The following SFPQ variants were observed in gnomAD, a reference collection of about 807,000 sequenced individuals.
The protein encoded by SFPQ is splicing factor proline and glutamine rich, also known as splicing factor, proline- and glutamine-rich.
Under a neutral mutation model 72.9 loss-of-function variants are expected in SFPQ, and 11 were observed. The ratio of observed to expected loss-of-function variants is 0.15; its 90% CI spans 0.09 to 0.25. The LOEUF is 0.25. SFPQ is among the 10% of genes least tolerant of loss of function. The pLI is 1.00. For synonymous variants in SFPQ, 506 were observed against 367.3 expected (o/e 1.38, Z -4.32); for missense variants, 847 against 993.3 (o/e 0.85, Z 1.98).
chr1:35,191,185 G>A (rs1639978457), intron 2 of SFPQ, among the ~76,000 whole-genome samples, 156 bp downstream of exon 2: 1 of 151,760 alleles, frequency 6.6e-6, no homozygotes, highest in African/African-American at 2.4e-5. Flanking sequence ...CAACAATTAT[G>A]CATTATACCG....
downstream of SFPQ, chr1:35,180,316 G>T: frequency 9.6e-7 from 1 of 1,040,330 alleles, no homozygotes; most frequent in Non-Finnish European, 1.2e-6. Context: ...TTGTGCTTTT[G>T]AAGACTTAGG....
At position 35,192,969 on chromosome 1, in the gene SFPQ, G is replaced by A. The variant is rs967956530; in HGVS notation, c.81C>T (p.Gly27=). ...GCGGCGGAGAACGGAAGTCGTGGAG[G>A]CCGCCGCGGCCGCCGCCTCCTCCAC... ...HRRGGGGGRG[G]LHDFRSPPPG... Residue 27 remains glycine, a synonymous_variant, in exon 1 of 10, where the codon GGC becomes GGT. Transcript: ENST00000357214. 2 of 1,570,776 alleles carry A rather than the reference G, an allele frequency of 1.3e-6. No individual in the cohort carries two copies. Among genetic ancestry groups the A allele is most frequent in the Non-Finnish European group, 1.7e-6 (2 of 1,167,194 alleles).
chr1:35,190,670 A>G (rs777962530), intron 3 of SFPQ, 24 bp downstream of exon 3: 4 of 1,610,714 alleles, frequency 2.5e-6, no homozygotes, highest in South Asian at 1.1e-5. Context: ...GATAGAAATT[A>G]TTAGAATAAA....
chr1:35,180,764 T>C, downstream of SFPQ: 1 of 1,061,798 alleles, frequency 9.4e-7, no homozygotes, highest in Non-Finnish European at 1.1e-6. Flanking sequence ...TATCACATGC[T>C]ATACGGTCCA....
intron 4 of SFPQ, 111 bp from the exon 5 acceptor site, chr1:35,189,493 G>A (rs1056871467): frequency 2.6e-5 from 21 of 816,604 alleles, no homozygotes; most frequent in Middle Eastern, 5.0e-4. Flanking sequence ...AGTACAAAAG[G>A]CAAAAATTTT....
intron 9 of SFPQ, 30 bp from the exon 10 acceptor site, chr1:35,184,623 T>A (rs761991537): frequency 6.6e-7 from 1 of 1,525,548 alleles, no homozygotes; most frequent in South Asian, 1.3e-5. Context: ...CAGTTCATTA[T>A]AAGTAGTTGA....
chr1:35,190,598 T>C lies in SFPQ; in HGVS notation c.1320-5A>G, dbSNP rs367920939. 2.2e-5 allele frequency: 36 copies of C among 1,611,252 alleles called. No individual in the cohort carries two copies. Among genetic ancestry groups the C allele is most frequent in the Middle Eastern group, 1.6e-4 (1 of 6,076 alleles). On this transcript the variant is annotated splice_polypyrimidine_tract_variant and splice_region_variant and intron_variant, in intron 3 of 9. Transcript: ENST00000357214. ...ACAATGACTGGACGAGGAGTTCTAA[T>C]AACAAAAATGGTTCCATCTTAGCTT...
downstream of SFPQ, chr1:35,179,962 T>C (rs1316118784): frequency 1.2e-5 from 13 of 1,054,826 alleles, no homozygotes; most frequent in Middle Eastern, 8.5e-4. Flanking sequence ...CTGCATTATA[T>C]TGTTGATATG....
In SFPQ at chr1:35,187,203, C is replaced by T. The variant is rs758223526; in HGVS notation, c.1864G>A (p.Asp622Asn). ...MGGGGAMNMG[D>N]PYGSGGQKFP... The stretch of plus-strand genomic sequence containing the variant: ...TCATTAATTTAAATTTCACACTTAC[C>T]TCCCATGTTCATTGCTCCTCCGCCA... Residue 622 changes from aspartate (D) to asparagine (N), a missense_variant and splice_region_variant, in exon 8 of 10, where the codon GAT becomes AAT. This residue lies in a region of SFPQ where 154 missense variants were observed against 186.0 expected (regional missense o/e 0.83). Coordinates refer to ENST00000357214, the MANE Select transcript of SFPQ (RefSeq NM_005066.3). 6.2e-7 allele frequency: 1 copy of T among 1,614,112 alleles called. No homozygotes were observed. Among genetic ancestry groups the T allele is most frequent in the East Asian group, 2.2e-5 (1 of 44,882 alleles).
Position 35,183,366 on chromosome 1 carries a change from T to C in SFPQ, c.*1090A>G. The stretch of plus-strand genomic sequence containing the variant: ...CCGAGTAGCTGGGATTACAGGCGCC[T>C]GCCACCACGCCCAGCTAATTTTTTG... On this transcript the variant is annotated 3_prime_UTR_variant, in exon 10 of 10. Coordinates refer to ENST00000357214, the MANE Select transcript of SFPQ (RefSeq NM_005066.3). 3.7e-6 allele frequency: 1 copy of C among 273,612 alleles called. No homozygotes were observed. The highest frequency in any genetic ancestry group is 5.8e-6 in the Non-Finnish European group (1 of 173,652). The allele number at this position is 273,612 out of a possible 1,614,324, so 16.9% of individuals were successfully genotyped here.
At chr1:35,187,315 T>A in intron 7 of SFPQ, 64 bp from the exon 8 acceptor site, 1 of 1,418,408 alleles carries the variant, frequency 7.1e-7, no homozygotes, top group Non-Finnish European at 9.9e-7. Flanking sequence ...TCTTAAGAAC[T>A]GAGAAATTTT....
At chr1:35,187,684 T>A (rs1247816610) in intron 7 of SFPQ, among the ~76,000 whole-genome samples, 2 of 150,948 alleles carry the variant, frequency 1.3e-5, no homozygotes, top group African/African-American at 4.9e-5. Context: ...TGAGCCAAGA[T>A]CAAGCCACTG....
Position 35,184,112 on chromosome 1 carries a change from G to A in SFPQ, c.*344C>T. ...TAGAAGCATGAATGGCAAAGTTGAAGATCAATATTATAACTATTTTTCTAT... is the reference window on the plus strand; with the variant it reads ...TAGAAGCATGAATGGCAAAGTTGAAAATCAATATTATAACTATTTTTCTAT... On this transcript the variant is annotated 3_prime_UTR_variant, in exon 10 of 10. Coordinates refer to ENST00000357214, the MANE Select transcript of SFPQ (RefSeq NM_005066.3). 8.9e-7 allele frequency: 1 copy of A among 1,121,826 alleles called. No homozygotes were observed. The highest frequency in any genetic ancestry group is 1.1e-6 in the Non-Finnish European group (1 of 917,538). The allele number at this position is 1,121,826 out of a possible 1,614,324, so 69.5% of individuals were successfully genotyped here.
chr1:35,182,547 AT>A (rs1270010339), downstream of SFPQ: 1 of 985,426 alleles, frequency 1.0e-6, no homozygotes, highest in East Asian at 1.1e-4. Flanking sequence ...CCTGTTTCCT[AT>A]GCAGAAAGTG....
chr1:35,182,235 T>TAC, downstream of SFPQ: 1 of 985,400 alleles, frequency 1.0e-6, no homozygotes. Context: ...TTTTCTTGTC[T>TAC]TTAGTAGAGT....
chr1:35,192,151 C>CG, intron 1 of SFPQ, 71 bp downstream of exon 1: 2 of 1,217,934 alleles, frequency 1.6e-6, no homozygotes, highest in South Asian at 2.8e-5. Context: ...AAGCCCAGCG[C>CG]GGGGGCGGGG....
At chr1:35,188,204 G>T (rs1399314917) in intron 6 of SFPQ, 114 bp from the exon 7 acceptor site, 5 of 775,508 alleles carry the variant, frequency 6.4e-6, no homozygotes, top group African/African-American at 1.7e-5. Flanking sequence ...AAACACAAAG[G>T]CTTAGAGTGA....
At chr1:35,191,284 G>A (rs1639984273) in intron 2 of SFPQ, 57 bp downstream of exon 2, 1 of 1,448,940 alleles carries the variant, frequency 6.9e-7, no homozygotes, top group African/African-American at 1.4e-5. Flanking sequence ...CGTTTGTAGT[G>A]ACAAAAAAAT....
chr1:35,179,423 A>G (rs944425195), downstream of SFPQ: 4 of 1,056,498 alleles, frequency 3.8e-6, no homozygotes, highest in Non-Finnish European at 4.6e-6. Context: ...GCCTAACAGT[A>G]CGAAAATACA....
Sources: allele counts gnomAD v4.1 joint callset (sites outside exome capture counted in the v4.1 genomes callset), GRCh38; gene constraint gnomAD v4.1.1; regional missense constraint gnomAD v4.1.1; transcripts MANE v1.5; gene names NCBI Gene and HGNC (gene_info 2026-07-23, HGNC 2026-07-21).